ERCC6L2: variants seen among roughly 807,000 people sequenced by gnomAD.
ERCC6L2 encodes the protein ERCC excision repair 6 like 2.
A neutral mutation model predicts 132.0 loss-of-function variants in ERCC6L2; 77 were observed. That is an observed-to-expected ratio of 0.58 (90% CI 0.49 to 0.71). The LOEUF is 0.71. Among genes scored for constraint, ERCC6L2 ranks in the 30% least tolerant of loss-of-function variants. The pLI is 0.00. For missense variants in ERCC6L2, 1,542 were observed against 1,837.6 expected (o/e 0.84, Z 2.94); for synonymous variants, 583 against 632.4 (o/e 0.92, Z 1.17).
At position 96,008,969 on chromosome 9, in the gene ERCC6L2, T is replaced by G. The variant is rs1040289869; in HGVS notation, c.3675-3256T>G. On this transcript the variant is annotated intron_variant, in intron 18 of 18. Coordinates refer to ENST00000653738, the MANE Select transcript of ERCC6L2 (RefSeq NM_020207.7). ...GCCTTCACAGCCTTGCACTTGGTGG[T>G]AACATTACCCATTTTTCCAGTCAGG... is the stretch of plus-strand genomic sequence containing the variant. Among the ~76,000 whole-genome samples the G allele has an allele frequency of 2.0e-5, 3 of 152,224 alleles. No individual in the cohort carries two copies. In the South Asian group the frequency reaches 6.2e-4, roughly 32 times the overall value.
chr9:95,915,914 A>G (rs1829563234), intron 5 of ERCC6L2, 85 bp downstream of exon 5: 1 of 1,311,518 alleles, frequency 7.6e-7, no homozygotes, highest in South Asian at 1.5e-5. Flanking sequence ...TTTCCAAACA[A>G]ACGAAACAGT....
intron 6 of ERCC6L2, chr9:95,918,265 C>T (rs1008495213): frequency 6.9e-6 from 3 of 435,590 alleles, no homozygotes; most frequent in African/African-American, 4.1e-5. Context: ...AAAAGACCCA[C>T]TACAGTGTAG....
intron 3 of ERCC6L2, chr9:95,905,147 T>C (rs572213577): frequency 1.1e-4 from 17 of 152,258 alleles, no homozygotes; most frequent in African/African-American, 4.1e-4. Context: ...GGACACTGCT[T>C]TCCATTTTAT....
chr9:96,010,495 G>A lies in ERCC6L2; in HGVS notation c.3675-1730G>A, dbSNP rs979798990. Among the ~76,000 whole-genome samples, 6 of 151,954 alleles carry A rather than the reference G, an allele frequency of 3.9e-5. 1 individual carries two copies. Among genetic ancestry groups the A allele is most frequent in the Admixed American group, 2.0e-4 (3 of 15,236 alleles). ...ATTCAAACTTCTAAACTTGGCCTAC[G>A]GACCCCCTATGATTTTTAGCCTCTT... is the stretch of plus-strand genomic sequence containing the variant. On this transcript the variant is annotated intron_variant, in intron 18 of 18. Coordinates refer to ENST00000653738, the MANE Select transcript of ERCC6L2 (RefSeq NM_020207.7).
At chr9:96,039,140 G>A (rs982166014) in intron 20 of ERCC6L2, among the ~76,000 whole-genome samples, 1 of 152,246 alleles carries the variant, frequency 6.6e-6, no homozygotes, top group Non-Finnish European at 1.5e-5. Context: ...ATGAGATGAT[G>A]TGCTTGTCGG....
chr9:96,020,849 A>C (rs1272660832), downstream of ERCC6L2: 2 of 456,644 alleles, frequency 4.4e-6, no homozygotes, highest in Non-Finnish European at 8.8e-6. Context: ...CCAGAGCAGC[A>C]GCAACGTGGG....
chr9:95,928,863 A>G lies in ERCC6L2; in HGVS notation c.1750A>G (p.Met584Val), dbSNP rs1400912260. 1 of 1,554,188 alleles carries G rather than the reference A, an allele frequency of 6.4e-7. No individual in the cohort carries two copies. Among genetic ancestry groups the G allele is most frequent in the Admixed American group, 2.1e-5 (1 of 47,942 alleles). ...TGTTAACATTTGCCTTGTCTCTACA[A>G]TGTAAGAAAATTAAATTTAATAACT... is the stretch of plus-strand genomic sequence containing the variant. ...QDVNICLVST[M>V]AGGLGLNFVG... is the part of the protein sequence containing the mutation. The change falls in exon 11 of 19, where the codon ATG (methionine) becomes GTG (valine). Residue 584 changes from methionine (M) to valine (V), a missense_variant and splice_region_variant. This residue lies in a region of ERCC6L2 where 945 missense variants were observed against 1,105.2 expected (regional missense o/e 0.86). Coordinates refer to ENST00000653738, the MANE Select transcript of ERCC6L2 (RefSeq NM_020207.7).
chr9:95,922,491 T>C, intron 8 of ERCC6L2, 73 bp downstream of exon 8: 2 of 880,208 alleles, frequency 2.3e-6, no homozygotes, highest in South Asian at 3.5e-5. Flanking sequence ...AAATAGTTAT[T>C]AAATAAAGTT....
At chr9:96,011,677 G>T (rs925216107) in intron 18 of ERCC6L2, among the ~76,000 whole-genome samples, 2 of 152,176 alleles carry the variant, frequency 1.3e-5, no homozygotes, top group African/African-American at 4.8e-5. Flanking sequence ...GGAAAAAATA[G>T]TCTAGGTTTA....
In ERCC6L2 at chr9:95,921,091, A is replaced by G. The variant is rs1394392237; in HGVS notation, c.1159-84A>G. The G allele has an allele frequency of 3.0e-6, 4 of 1,332,064 alleles. No individual in the cohort carries two copies. In the South Asian group the frequency reaches 4.4e-5, roughly 15 times the overall value. The allele number at this position is 1,332,064 out of a possible 1,614,324, so 82.5% of individuals were successfully genotyped here. ...CGCCCGGCCAGTTTTCACTGTTATA[A>G]TCTATGAAATCAGATGTAGATTATG... On this transcript the variant is annotated intron_variant, in intron 6 of 18. Coordinates refer to ENST00000653738, the MANE Select transcript of ERCC6L2 (RefSeq NM_020207.7).
chr9:95,882,556 C>T (rs950296901), intron 2 of ERCC6L2, among the ~76,000 whole-genome samples: 7 of 152,168 alleles, frequency 4.6e-5, no homozygotes, highest in Admixed American at 3.9e-4. Context: ...TTTTCTTCTT[C>T]ATATTACCTC....
At chr9:95,953,805 A>T (rs1037943821) in intron 12 of ERCC6L2, among the ~76,000 whole-genome samples, 1 of 152,180 alleles carries the variant, frequency 6.6e-6, no homozygotes, top group African/African-American at 2.4e-5. Context: ...AGAATAAAAT[A>T]GAGACACTTT....
At chr9:95,993,057 C>G (rs939793427) in intron 17 of ERCC6L2, among the ~76,000 whole-genome samples, 2 of 152,160 alleles carry the variant, frequency 1.3e-5, no homozygotes, top group African/African-American at 4.8e-5. Flanking sequence ...TTAGTACTTA[C>G]TGGAGATCCT....
At chr9:96,029,320 A>C (rs866515949) in intron 19 of ERCC6L2, among the ~76,000 whole-genome samples, 7 of 149,078 alleles carry the variant, frequency 4.7e-5, no homozygotes, top group East Asian at 4.6e-4. Context: ...AAAAAAAAAA[A>C]AAACAAAAAA....
At chr9:95,899,897 A>G (rs1487760647) in intron 3 of ERCC6L2, among the ~76,000 whole-genome samples, 2 of 152,228 alleles carry the variant, frequency 1.3e-5, no homozygotes, top group Non-Finnish European at 2.9e-5. Context: ...AGGTCTGCGT[A>G]CATGTTTAGT....
chr9:96,039,449 T>C (rs1834553845), intron 20 of ERCC6L2, among the ~76,000 whole-genome samples: 1 of 151,918 alleles, frequency 6.6e-6, no homozygotes, highest in Non-Finnish European at 1.5e-5. Flanking sequence ...AGAACGTTTC[T>C]GGGTGGATGT....
Position 95,916,473 on chromosome 9 carries a change from A to T in ERCC6L2, c.1158+39A>T, listed in dbSNP as rs778040861. On this transcript the variant is annotated intron_variant, in intron 6 of 18. Transcript: ENST00000653738. ...TTGTATATATTATTAATTTGTGGTCATATTTTTTTTTTCCTTTTTAAGAAA... is the reference window on the plus strand; with the variant it reads ...TTGTATATATTATTAATTTGTGGTCTTATTTTTTTTTTCCTTTTTAAGAAA... The T allele has an allele frequency of 2.1e-6, 3 of 1,415,350 alleles. No individual in the cohort carries two copies. The East Asian group carries it at 7.7e-5, about 36-fold the overall frequency. 87.7% of individuals were successfully genotyped at this position (1,415,350 alleles called of 1,614,324 possible).
At chr9:95,885,995 G>A (rs910234490) in intron 2 of ERCC6L2, among the ~76,000 whole-genome samples, 2 of 152,122 alleles carry the variant, frequency 1.3e-5, no homozygotes, top group East Asian at 1.9e-4. Flanking sequence ...TTTGGTCTAC[G>A]TGAATCTTTT....
chr9:95,927,315 T>G (rs998209091), intron 9 of ERCC6L2, among the ~76,000 whole-genome samples: 3 of 152,156 alleles, frequency 2.0e-5, no homozygotes, highest in African/African-American at 7.2e-5. Context: ...ATAAATTGTT[T>G]TAGTGTTTGT....
Sources: gnomAD v4.1 joint callset for allele counts (sites outside exome capture counted in the v4.1 genomes callset) on GRCh38, gnomAD v4.1.1 for gene constraint, gnomAD v4.1.1 regional missense constraint, MANE v1.5 for transcripts, NCBI Gene and HGNC (gene_info 2026-07-23, HGNC 2026-07-21) for gene names.